Variants in PRKG1 observed in about 807,000 individuals in gnomAD.
The protein encoded by PRKG1 is protein kinase cGMP-dependent 1.
In PRKG1, 35 loss-of-function variants were observed where a neutral mutation model predicts 88.1. That is an observed-to-expected ratio of 0.40 (90% confidence interval 0.30 to 0.53). The LOEUF (loss-of-function observed/expected upper bound fraction) is 0.53, where lower values mean the gene tolerates loss of function less well. PRKG1 is among the 20% of genes least tolerant of loss of function. The pLI, the probability that PRKG1 is intolerant of heterozygous loss-of-function variation, is 0.59. For synonymous variants in PRKG1, 303 were observed against 292.5 expected (o/e 1.04, Z -0.37); for missense variants, 540 against 839.8 (o/e 0.64, Z 4.41).
intron 2 of PRKG1, among the ~76,000 whole-genome samples, chr10:51,294,178 T>G (rs1471384494): frequency 6.6e-6 from 1 of 152,130 alleles, no homozygotes; most frequent in Non-Finnish European, 1.5e-5. Context: ...GACTTTTTAT[T>G]CTATTGATTG....
chr10:51,504,286 T>G (rs1841126899), intron 3 of PRKG1, among the ~76,000 whole-genome samples: 1 of 152,186 alleles, frequency 6.6e-6, no homozygotes, highest in South Asian at 2.1e-4. Flanking sequence ...GTTGTAGACA[T>G]GTGGCATTAT....
intron 2 of PRKG1, among the ~76,000 whole-genome samples, chr10:51,359,134 A>G (rs1227539526): frequency 6.6e-6 from 1 of 151,926 alleles, no homozygotes; most frequent in Non-Finnish European, 1.5e-5. Context: ...TAAAATGACT[A>G]AAGGGTTCAT....
At chr10:51,896,035 T>C (rs775520065) in intron 4 of PRKG1, among the ~76,000 whole-genome samples, 1 of 152,118 alleles carries the variant, frequency 6.6e-6, no homozygotes, top group Non-Finnish European at 1.5e-5. Context: ...CATGACACGC[T>C]TCCTAGATTC....
intron 2 of PRKG1, among the ~76,000 whole-genome samples, chr10:51,249,257 G>T (rs1839369801): frequency 6.6e-6 from 1 of 151,620 alleles, no homozygotes; most frequent in Non-Finnish European, 1.5e-5. Flanking sequence ...TTAGTAATGG[G>T]GTCATCCCCA....
intron 2 of PRKG1, among the ~76,000 whole-genome samples, chr10:51,418,346 A>G (rs894689065): frequency 2.6e-5 from 4 of 152,124 alleles, no homozygotes; most frequent in Admixed American, 6.6e-5. Flanking sequence ...TGGCTGAATC[A>G]TACAACACTA....
chr10:51,141,916 C>T (rs1314451564), intron 1 of PRKG1, among the ~76,000 whole-genome samples: 2 of 152,116 alleles, frequency 1.3e-5, no homozygotes, highest in African/African-American at 4.8e-5. Flanking sequence ...TATTATAGGT[C>T]ATTAGTTACA....
chr10:51,093,204 A>T (rs1278939800), intron 1 of PRKG1, among the ~76,000 whole-genome samples: 4 of 152,148 alleles, frequency 2.6e-5, no homozygotes, highest in Non-Finnish European at 5.9e-5. Flanking sequence ...ATTCTGAGAT[A>T]TCTCTCCAAA....
intron 1 of PRKG1, among the ~76,000 whole-genome samples, chr10:51,144,611 T>C (rs988882598): frequency 6.6e-6 from 1 of 152,174 alleles, no homozygotes; most frequent in African/African-American, 2.4e-5. Flanking sequence ...AGAGCTTTTA[T>C]GACTAGGAGC....
chr10:51,603,851 A>G (rs1476732655), intron 3 of PRKG1, among the ~76,000 whole-genome samples: 2 of 152,142 alleles, frequency 1.3e-5, no homozygotes, highest in African/African-American at 4.8e-5. Flanking sequence ...AGGAGGTGAC[A>G]TGAAGTTTGT....
At chr10:51,540,743 G>A (rs994928132) in intron 3 of PRKG1, among the ~76,000 whole-genome samples, 2 of 151,734 alleles carry the variant, frequency 1.3e-5, no homozygotes, top group Admixed American at 6.6e-5. Flanking sequence ...TTTTTGAGAC[G>A]GAGTCTTGCT....
chr10:50,994,990 C>A (rs1393618168), intron 1 of PRKG1, among the ~76,000 whole-genome samples: 3 of 151,966 alleles, frequency 2.0e-5, no homozygotes, highest in Non-Finnish European at 4.4e-5. Context: ...AATACTACAC[C>A]ATTTTATATA....
intron 4 of PRKG1, among the ~76,000 whole-genome samples, chr10:51,832,439 A>T (rs1840026777): frequency 6.6e-6 from 1 of 152,238 alleles, no homozygotes; most frequent in Admixed American, 6.5e-5. Flanking sequence ...TAGGCTTTGT[A>T]GACTAAGATG....
chr10:51,488,383 A>G (rs1840606451), intron 3 of PRKG1, among the ~76,000 whole-genome samples: 1 of 152,168 alleles, frequency 6.6e-6, no homozygotes, highest in Admixed American at 6.6e-5. Flanking sequence ...AGCTCAATCA[A>G]TACAACAGTA....
intron 3 of PRKG1, among the ~76,000 whole-genome samples, chr10:51,484,879 G>T (rs1840483628): frequency 6.6e-6 from 1 of 152,134 alleles, no homozygotes; most frequent in South Asian, 2.1e-4. Flanking sequence ...GTTCTGTTAA[G>T]TACGTCCAGA....
chr10:51,496,892 G>T (rs974397439), intron 3 of PRKG1, among the ~76,000 whole-genome samples: 2 of 152,042 alleles, frequency 1.3e-5, no homozygotes, highest in African/African-American at 2.4e-5. Context: ...ATCATTCTAC[G>T]CACCTTCTAA....
intron 3 of PRKG1, among the ~76,000 whole-genome samples, chr10:51,797,244 T>C (rs1839036473): frequency 6.6e-6 from 1 of 150,760 alleles, no homozygotes; most frequent in African/African-American, 2.4e-5. Context: ...GAAACACCAT[T>C]TATTTAGTTA....
chr10:52,138,040 A>G (rs573970344), intron 8 of PRKG1, among the ~76,000 whole-genome samples: 6 of 152,244 alleles, frequency 3.9e-5, no homozygotes, highest in South Asian at 2.1e-4. Flanking sequence ...TTAAATTATC[A>G]GGGTCCTAAC....
chr10:52,193,287 G>A (rs1164889156), intron 9 of PRKG1, among the ~76,000 whole-genome samples: 1 of 152,030 alleles, frequency 6.6e-6, no homozygotes, highest in Admixed American at 6.5e-5. Context: ...GTTCATGCCT[G>A]TAATCCCAGC....
chr10:51,594,347 A>T (rs1267069033), intron 3 of PRKG1, among the ~76,000 whole-genome samples: 1 of 152,144 alleles, frequency 6.6e-6, no homozygotes, highest in African/African-American at 2.4e-5. Flanking sequence ...TCATCACTAA[A>T]TACCTGTAAA....
Sources: gnomAD v4.1 joint callset for allele counts (sites outside exome capture counted in the v4.1 genomes callset) on GRCh38, gnomAD v4.1.1 for gene constraint, MANE v1.5 for transcripts, NCBI Gene and HGNC (gene_info 2026-07-23, HGNC 2026-07-21) for gene names.